AHDC1: variants seen among roughly 807,000 people sequenced by gnomAD.
The protein encoded by AHDC1 is transcription factor Gibbin.
Under a neutral mutation model 87.9 loss-of-function variants are expected in AHDC1, and 7 were observed. The observed-to-expected ratio is 0.08, with a 90% confidence interval of 0.05 to 0.15. The LOEUF is 0.15. Ranked by LOEUF, AHDC1 falls within the 10% of genes least tolerant of loss-of-function variation. The pLI, the probability that AHDC1 is intolerant of heterozygous loss-of-function variation, is 1.00. For synonymous variants in AHDC1, 1,051 were observed against 1,006.8 expected (o/e 1.04, Z -0.83); for missense variants, 1,841 against 2,253.2 (o/e 0.82, Z 3.70).
chr1:27,603,062 G>A (rs2148513189), intron 3 of AHDC1, among the ~76,000 whole-genome samples: 1 of 150,016 alleles, frequency 6.7e-6, no homozygotes, highest in East Asian at 2.0e-4. Flanking sequence ...GAGGGGGAAG[G>A]AGGAGGGGGC....
At chr1:27,587,979 C>T (rs891727976) in intron 3 of AHDC1, among the ~76,000 whole-genome samples, 2 of 152,138 alleles carry the variant, frequency 1.3e-5, no homozygotes, top group Non-Finnish European at 2.9e-5. Context: ...CCTCAACTAG[C>T]CTTCCTGCCT....
In AHDC1 at chr1:27,558,744, A is replaced by G; in HGVS notation, c.-489T>C. ...GAAGATAGGCTGGGCTCAGCAGGAA[A>G]GGCCTGTCTTCATCAGCATCTCCAG... On this transcript the variant is annotated 5_prime_UTR_variant, in exon 4 of 9. Transcript: ENST00000673934. The surrounding 1 kb of genome is among the most constrained non-coding windows in gnomAD (Gnocchi z 5.6). The G allele has an allele frequency of 2.5e-6, 1 of 398,610 alleles. No individual in the cohort carries two copies. The highest frequency in any genetic ancestry group is 2.1e-5 in the African/African-American group (1 of 48,742). The allele number at this position is 398,610 out of a possible 1,614,324, so 24.7% of individuals were successfully genotyped here.
rs2089199032 is a variant in AHDC1 at position 27,590,710 on chromosome 1, C to G, written c.-629+12687G>C. Among the ~76,000 whole-genome samples the G allele has an allele frequency of 6.6e-6, 1 of 152,164 alleles. No homozygotes were observed. The highest frequency in any genetic ancestry group is 1.5e-5 in the Non-Finnish European group (1 of 68,032). On this transcript the variant is annotated intron_variant, in intron 3 of 8. Transcript: ENST00000673934. This position sits in a 1 kb window ranked among gnomAD's most constrained non-coding sequence, Gnocchi z 5.4. ...AGGTCCAAAGTTGGGGAAACTGAGG[C>G]AGTGAAGCCCTCCGCCCTACTCATC...
intron 8 of AHDC1, among the ~76,000 whole-genome samples, chr1:27,537,670 C>T (rs2018705859): frequency 1.3e-5 from 2 of 152,188 alleles, no homozygotes; most frequent in Admixed American, 6.5e-5. Context: ...TGCTGCACAC[C>T]CAGGGCTAGC....
At chr1:27,536,107 C>A (rs565323961) in intron 8 of AHDC1, among the ~76,000 whole-genome samples, 2 of 152,336 alleles carry the variant, frequency 1.3e-5, no homozygotes, top group Admixed American at 6.5e-5. Flanking sequence ...CGTCCTCCCC[C>A]ACACCAGCAG....
intron 3 of AHDC1, among the ~76,000 whole-genome samples, chr1:27,574,925 C>T (rs1441014617): frequency 1.3e-5 from 2 of 152,112 alleles, no homozygotes; most frequent in Non-Finnish European, 1.5e-5. Flanking sequence ...GACTCTGGGG[C>T]CTGCAAGGTG....
chr1:27,565,895 A>C lies in AHDC1; in HGVS notation c.-628-7012T>G, dbSNP rs2020296615. 6.6e-6 allele frequency among the ~76,000 whole-genome samples: 1 copy of C among 152,156 alleles called. No homozygotes were observed. Among genetic ancestry groups the C allele is most frequent in the Non-Finnish European group, 1.5e-5 (1 of 68,016 alleles). ...CCTAAAACCCTGGAAAGGCAGACTC[A>C]CACTCTTGTTTCCTGGTGCCACACT... On this transcript the variant is annotated intron_variant, in intron 3 of 8. Coordinates refer to ENST00000673934, the MANE Select transcript of AHDC1 (RefSeq NM_001371928.1). This position sits in a 1 kb window ranked among gnomAD's most constrained non-coding sequence, Gnocchi z 4.6.
chr1:27,585,185 C>T (rs911477240), intron 3 of AHDC1, among the ~76,000 whole-genome samples: 2 of 146,200 alleles, frequency 1.4e-5, no homozygotes, highest in African/African-American at 5.1e-5. Context: ...CCTGGGAAGT[C>T]GAGGCTGCAG....
At position 27,552,904 on chromosome 1, in the gene AHDC1, C is replaced by T. The variant is rs1456941534; in HGVS notation, c.-87G>A. 1 of 152,762 alleles carries T rather than the reference C, an allele frequency of 6.5e-6. No homozygotes were observed. The highest frequency in any genetic ancestry group is 1.5e-5 in the Non-Finnish European group (1 of 68,106). 9.5% of individuals were successfully genotyped at this position (152,762 alleles called of 1,614,324 possible). A position where few individuals can be genotyped will look rare whatever the true frequency, so the allele number is the denominator to read the frequency against. On this transcript the variant is annotated 5_prime_UTR_variant, in exon 7 of 9. Transcript: ENST00000673934. ...CCCCACCACTCACCCTCGGCTCTGC[C>T]GCCTGGGCTGTCACACTGGAGATCT...
chr1:27,538,941 G>A (rs1371280957), intron 8 of AHDC1, among the ~76,000 whole-genome samples: 1 of 152,130 alleles, frequency 6.6e-6, no homozygotes, highest in Non-Finnish European at 1.5e-5. Flanking sequence ...ATCCATCCCT[G>A]TAACATTTTT....
rs2019246687 is a variant in AHDC1 at position 27,547,684 on chromosome 1, G to A, written c.4432C>T (p.Pro1478Ser). The A allele has an allele frequency of 1.3e-6, 2 of 1,594,692 alleles. No individual in the cohort carries two copies. Among genetic ancestry groups the A allele is most frequent in the South Asian group, 2.2e-5 (2 of 89,618 alleles). The change falls in exon 8 of 9, where the codon CCC becomes TCC. Residue 1478 changes from proline to serine, a missense_variant. Transcript: ENST00000673934. The surrounding 1 kb of genome is among the most constrained non-coding windows in gnomAD (Gnocchi z 4.9). ...CCTGTACCCACCTTGCCTTCATAGGGCGGGCTGCGGGCAGCTGAGCCTGGA... is the reference window on the plus strand; with the variant it reads ...CCTGTACCCACCTTGCCTTCATAGGACGGGCTGCGGGCAGCTGAGCCTGGA... ...YPPGSAARSP[P>S]YEGKVGTGLL...
At chr1:27,540,853 C>T (rs1204142544) in intron 8 of AHDC1, among the ~76,000 whole-genome samples, 1 of 151,550 alleles carries the variant, frequency 6.6e-6, no homozygotes, top group Non-Finnish European at 1.5e-5. Context: ...GGAAGCTGGG[C>T]CTTGATTTTA....
rs544943421 is a variant in AHDC1, at chr1:27,572,638, A to G, written c.-628-13755T>C. 3.3e-5 allele frequency among the ~76,000 whole-genome samples: 5 copies of G among 152,258 alleles called. No homozygotes were observed. In the South Asian group the frequency reaches 1.0e-3, roughly 32 times the overall value. ...AGTGCCACTCAGCTCAACATCCATA[A>G]ACAACTGACAAACCCAGGTGCAGGC... On this transcript the variant is annotated intron_variant, in intron 3 of 8. Transcript: ENST00000673934.
At chr1:27,574,421 T>C (rs1571302120) in intron 3 of AHDC1, among the ~76,000 whole-genome samples, 3 of 152,162 alleles carry the variant, frequency 2.0e-5, no homozygotes, top group African/African-American at 7.2e-5. Flanking sequence ...CTGATTGAAA[T>C]GTTGTGTAAC....
intron 3 of AHDC1, among the ~76,000 whole-genome samples, chr1:27,603,061 G>A (rs2089580519): frequency 6.7e-6 from 1 of 149,048 alleles, no homozygotes; most frequent in Non-Finnish European, 1.5e-5. Flanking sequence ...GGAGGGGGAA[G>A]GAGGAGGGGG....
chr1:27,549,638 G>C lies in AHDC1; in HGVS notation c.2478C>G (p.Thr826=), dbSNP rs370667314. 1 of 1,613,142 alleles carries C rather than the reference G, an allele frequency of 6.2e-7. No homozygotes were observed. The highest frequency in any genetic ancestry group is 8.5e-7 in the Non-Finnish European group (1 of 1,180,020). Residue 826 remains threonine, a synonymous_variant, in exon 8 of 9, where the codon ACC becomes ACG. Coordinates refer to ENST00000673934, the MANE Select transcript of AHDC1 (RefSeq NM_001371928.1). The part of the protein sequence containing the change: ...YYSTGAPSGQ[T]ELSQERQNLF... ...GGTTTTGGCGCTCCTGGCTGAGCTC[G>C]GTCTGGCCTGAGGGTGCACCCGTGC...
In AHDC1 at chr1:27,548,195, C is replaced by A; in HGVS notation, c.3921G>T (p.Gln1307His). The change falls in exon 8 of 9, where the codon CAG becomes CAT. Residue 1307 changes from glutamine (Q) to histidine (H), a missense_variant. Gln to His is a conservative substitution (Grantham distance 24, BLOSUM62 0). Coordinates refer to ENST00000673934, the MANE Select transcript of AHDC1 (RefSeq NM_001371928.1). Reference sequence around the variant, plus strand: ...AGTCCAGGCCGAGGTCAGGACTGTCCTGGAACAGTGGGTTGACTGGCTGTG... The same window carrying A: ...AGTCCAGGCCGAGGTCAGGACTGTCATGGAACAGTGGGTTGACTGGCTGTG... ...PKPQPVNPLF[Q>H]DSPDLGLDYY... 3 of 1,613,706 alleles carry A rather than the reference C, an allele frequency of 1.9e-6. No homozygotes were observed. Among genetic ancestry groups the A allele is most frequent in the Non-Finnish European group, 2.5e-6 (3 of 1,180,036 alleles).
chr1:27,574,100 GA>G (rs2088628915), intron 3 of AHDC1, among the ~76,000 whole-genome samples: 1 of 152,204 alleles, frequency 6.6e-6, no homozygotes, highest in South Asian at 2.1e-4. Flanking sequence ...GTGATGGAGT[GA>G]AAGGTCAGCA....
intron 7 of AHDC1, chr1:27,552,400 CTTTTTTT>C (rs750916427): frequency 3.9e-6 from 1 of 259,700 alleles, no homozygotes; most frequent in Non-Finnish European, 7.0e-6. Context: ...CCCAGTTTCA[CTTTTTTT>C]TTTTTTTTTG....
Sources: allele counts gnomAD v4.1 joint callset (sites outside exome capture counted in the v4.1 genomes callset), GRCh38; gene constraint gnomAD v4.1.1; non-coding constraint Gnocchi (gnomAD v3.1); transcripts MANE v1.5; gene names NCBI Gene and HGNC (gene_info 2026-07-23, HGNC 2026-07-21).